Variants in TAMM41 observed in about 807,000 individuals in gnomAD.
TAMM41 encodes TAM41 mitochondrial translocator assembly and maintenance homolog.
In TAMM41, 36 loss-of-function variants were observed where a neutral mutation model predicts 44.1. That is an observed-to-expected ratio of 0.82 (90% CI 0.63 to 1.08). TAMM41 has a LOEUF of 1.08. Among genes scored for constraint, TAMM41 ranks in the 50% least tolerant of loss-of-function variants. The pLI is 0.00. For missense variants in TAMM41, 417 were observed against 404.3 expected (o/e 1.03, Z -0.27); for synonymous variants, 164 against 153.1 (o/e 1.07, Z -0.53).
chr3:11,754,994 C>T, the TAMM41 span, among the ~76,000 whole-genome samples: 1 of 152,108 alleles, frequency 6.6e-6, no homozygotes, highest in Non-Finnish European at 1.5e-5. Context: ...GTCACTGCAC[C>T]TGGCCTCAGA....
chr3:11,749,250 G>GC, the TAMM41 span, among the ~76,000 whole-genome samples: 1 of 152,134 alleles, frequency 6.6e-6, no homozygotes, highest in Admixed American at 6.5e-5. Context: ...TTACAGTTGA[G>GC]CAAAGAGGCT....
At chr3:11,814,042 G>GTGGCA (rs1421464345) in intron 5 of TAMM41, among the ~76,000 whole-genome samples, 3 of 151,632 alleles carry the variant, frequency 2.0e-5, no homozygotes. Flanking sequence ...GCTGGGCATA[G>GTGGCA]TGGCATGGGC....
rs780099495 is a variant in TAMM41, at chr3:11,844,078, T to C, written c.269A>G (p.Asn90Ser). Reference sequence around the variant, plus strand: ...ATTGTAGTAAACTCCAGCGCCATAGTTATTCTGGATGGACGTGATAATCTT... The same window carrying C: ...ATTGTAGTAAACTCCAGCGCCATAGCTATTCTGGATGGACGTGATAATCTT... ...GPKIITSIQNNYGAGVYYNSL... is the reference protein window; with the variant it reads ...GPKIITSIQNSYGAGVYYNSL... Residue 90 changes from asparagine to serine, a missense_variant, in exon 2 of 8, where the codon AAC (asparagine) becomes AGC (serine). Asn to Ser is a conservative substitution (Grantham distance 46). Coordinates refer to ENST00000455809, the MANE Select transcript of TAMM41 (RefSeq NM_001284401.2). 7.4e-6 allele frequency: 12 copies of C among 1,614,066 alleles called. No homozygotes were observed. The East Asian group carries it at 1.1e-4, about 15-fold the overall frequency.
chr3:11,845,141 G>A (rs1292773748), intron 1 of TAMM41: 1 of 359,742 alleles, frequency 2.8e-6, no homozygotes, highest in East Asian at 7.8e-5. Context: ...GATCAGAGAG[G>A]GAGGCTGTTT....
At chr3:11,784,881 C>A in the TAMM41 span, among the ~76,000 whole-genome samples, 1 of 148,052 alleles carries the variant, frequency 6.8e-6, no homozygotes, top group Non-Finnish European at 1.5e-5. Context: ...TGGCTCACTG[C>A]AACTTCCGCC....
At position 11,829,789 on chromosome 3, in the gene TAMM41, C is replaced by T. The variant is rs768411757; in HGVS notation, c.487G>A (p.Ala163Thr). The T allele has an allele frequency of 5.6e-6, 9 of 1,613,888 alleles. No individual in the cohort carries two copies. Among genetic ancestry groups the T allele is most frequent in the Middle Eastern group, 1.6e-4 (1 of 6,084 alleles). The stretch of plus-strand genomic sequence containing the variant: ...CTTTCGGGGAGCATGAGGAAAGCAG[C>T]GGTCACAGCACTCTTCAGATTTCTA... ...LDRNLKSAVTAAFLMLPESFS... is the reference protein window; with the variant it reads ...LDRNLKSAVTTAFLMLPESFS... The change falls in exon 4 of 8, where the codon GCT becomes ACT. Residue 163 changes from alanine (A) to threonine (T), a missense_variant. Transcript: ENST00000455809.
At chr3:11,740,984 G>T in the TAMM41 span, among the ~76,000 whole-genome samples, 2 of 145,316 alleles carry the variant, frequency 1.4e-5, no homozygotes, top group African/African-American at 2.7e-5. Context: ...ACTTTGGGAG[G>T]CTGAGGTGGA....
intron 7 of TAMM41, among the ~76,000 whole-genome samples, chr3:11,798,331 G>C (rs1575608449): frequency 6.6e-6 from 1 of 152,150 alleles, no homozygotes; most frequent in Non-Finnish European, 1.5e-5. Flanking sequence ...ATAAAAAAGA[G>C]ACCATGTCCT....
chr3:11,761,188 T>C, the TAMM41 span, among the ~76,000 whole-genome samples: 9 of 151,902 alleles, frequency 5.9e-5, no homozygotes, highest in Non-Finnish European at 1.0e-4. Context: ...AAAATCATCT[T>C]CAGGTTGTTG....
Position 11,799,637 on chromosome 3 carries a change from G to C in TAMM41, c.937+8196C>G, listed in dbSNP as rs115168687. On this transcript the variant is annotated intron_variant, in intron 7 of 7. Transcript: ENST00000455809. The stretch of plus-strand genomic sequence containing the variant: ...TTAGAAGTGAAGAAAAGGCTGTGCA[G>C]GAAGAGAGGTTAAAATGTTTAGAAA... Among the ~76,000 whole-genome samples, 1,120 of 152,258 alleles carry C rather than the reference G, an allele frequency of 7.4e-3. 17 individuals are homozygous for C. The highest frequency in any genetic ancestry group is 0.026 in the African/African-American group (1,060 of 41,542).
chr3:11,734,802 G>A, the TAMM41 span, among the ~76,000 whole-genome samples: 10 of 151,274 alleles, frequency 6.6e-5, no homozygotes, highest in South Asian at 2.1e-4. Flanking sequence ...TTGAGAGGCC[G>A]AGGCGGGTGG....
chr3:11,765,492 C>T, the TAMM41 span, among the ~76,000 whole-genome samples: 2 of 152,128 alleles, frequency 1.3e-5, no homozygotes, highest in Non-Finnish European at 2.9e-5. Context: ...CACAGAGCTA[C>T]AAGCGTAAAG....
At chr3:11,732,786 G>T in the TAMM41 span, among the ~76,000 whole-genome samples, 4 of 152,152 alleles carry the variant, frequency 2.6e-5, no homozygotes, top group African/African-American at 9.6e-5. Context: ...CAAGCACAAA[G>T]ACTCTGGGAC....
At chr3:11,753,168 G>T in the TAMM41 span, among the ~76,000 whole-genome samples, 3 of 151,830 alleles carry the variant, frequency 2.0e-5, no homozygotes. Context: ...GCTCATACCT[G>T]CAATCCCAGC....
chr3:11,782,466 G>C, the TAMM41 span, among the ~76,000 whole-genome samples: 1 of 151,406 alleles, frequency 6.6e-6, no homozygotes, highest in African/African-American at 2.4e-5. Context: ...AGGATGGCCT[G>C]AGCCCAGGAA....
the TAMM41 span, among the ~76,000 whole-genome samples, chr3:11,771,835 G>A: frequency 6.9e-3 from 1,045 of 151,180 alleles, 12 homozygotes; most frequent in African/African-American, 0.024. Flanking sequence ...GACCCACCTC[G>A]GCCTCCCAAA....
chr3:11,840,808 C>T (rs1301233849), intron 2 of TAMM41, among the ~76,000 whole-genome samples: 1 of 152,052 alleles, frequency 6.6e-6, no homozygotes, highest in Non-Finnish European at 1.5e-5. Flanking sequence ...AGCTCAGAGA[C>T]AACAAATGAC....
chr3:11,809,839 G>T, intron 5 of TAMM41, 157 bp from the exon 6 acceptor site: 1 of 651,084 alleles, frequency 1.5e-6, no homozygotes, highest in Non-Finnish European at 2.6e-6. Flanking sequence ...TTCTGAAACT[G>T]AATGGGTAAG....
chr3:11,737,566 C>T, the TAMM41 span, among the ~76,000 whole-genome samples: 9 of 152,002 alleles, frequency 5.9e-5, no homozygotes, highest in East Asian at 7.7e-4. Flanking sequence ...GTGATCCGCC[C>T]GCCTTGGCCT....
Sources: gnomAD v4.1 joint callset for allele counts (sites outside exome capture counted in the v4.1 genomes callset) on GRCh38, gnomAD v4.1.1 for gene constraint, MANE v1.5 for transcripts, NCBI Gene and HGNC (gene_info 2026-07-23, HGNC 2026-07-21) for gene names.